Variants in STPG2 observed in about 807,000 individuals in gnomAD.
The protein encoded by STPG2 is sperm tail PG-rich repeat containing 2.
A neutral mutation model predicts 54.2 loss-of-function variants in STPG2; 56 were observed. The observed-to-expected ratio is 1.03, with a 90% confidence interval of 0.83 to 1.29. The LOEUF is 1.29. Among genes scored for constraint, STPG2 ranks in the 50% most tolerant of loss-of-function variants. The pLI is 0.00. For synonymous variants in STPG2, 200 were observed against 181.8 expected (o/e 1.10, Z -0.81); for missense variants, 596 against 544.9 (o/e 1.09, Z -0.93).
In STPG2 at chr4:97,822,200, AT is replaced by A. The variant is rs1240089470; in HGVS notation, c.1204+18572del. On this transcript the variant is annotated intron_variant, in intron 9 of 10. Coordinates refer to ENST00000295268, the MANE Select transcript of STPG2 (RefSeq NM_174952.3). The stretch of plus-strand genomic sequence containing the variant: ...TTCTTAAATGCTTTGCTGCTTAGAA[AT>A]TTTTTCTGCTAGATACCCTAAAATA... 2.6e-5 allele frequency among the ~76,000 whole-genome samples: 4 copies of A among 152,246 alleles called. No individual in the cohort carries two copies. The East Asian group carries it at 7.7e-4, about 29-fold the overall frequency.
chr4:98,045,276 G>A (rs897911513), intron 5 of STPG2, among the ~76,000 whole-genome samples: 1 of 152,032 alleles, frequency 6.6e-6, no homozygotes, highest in African/African-American at 2.4e-5. Flanking sequence ...TCCACTGCAC[G>A]CTGGTTTTAG....
rs966403083 is a variant in STPG2 at position 98,056,646 on chromosome 4, C to A, written c.612+49307G>T. Reference sequence around the variant, plus strand: ...AAAAGGAAAAAAAAAACACACACATCCAAAGGTCAGCAACTGATATAGTTT... The same window carrying A: ...AAAAGGAAAAAAAAAACACACACATACAAAGGTCAGCAACTGATATAGTTT... On this transcript the variant is annotated intron_variant, in intron 5 of 10. Transcript: ENST00000295268. Among the ~76,000 whole-genome samples the A allele has an allele frequency of 4.6e-5, 7 of 151,930 alleles. No individual in the cohort carries two copies. The South Asian group carries it at 1.0e-3, about 23-fold the overall frequency.
intron 9 of STPG2, among the ~76,000 whole-genome samples, chr4:97,725,184 A>C (rs1724579905): frequency 1.3e-5 from 2 of 152,046 alleles, no homozygotes; most frequent in South Asian, 4.1e-4. Context: ...TCCACTAATA[A>C]ATTCATCTTA....
At chr4:98,064,027 A>G (rs1380736471) in intron 5 of STPG2, among the ~76,000 whole-genome samples, 1 of 152,196 alleles carries the variant, frequency 6.6e-6, no homozygotes, top group Non-Finnish European at 1.5e-5. Context: ...AATAAAAGAT[A>G]TGGAAGTTTT....
rs142943623 is a variant in STPG2, at chr4:97,758,985, A to G, written c.1205-46171T>C. Among the ~76,000 whole-genome samples the G allele has an allele frequency of 6.7e-4, 102 of 152,260 alleles. 1 individual carries two copies. The East Asian group carries it at 0.017, about 25-fold the overall frequency. On this transcript the variant is annotated intron_variant, in intron 9 of 10. Coordinates refer to ENST00000295268, the MANE Select transcript of STPG2 (RefSeq NM_174952.3). ...CCCTGCAAAAGACAGAAAAAAAATG[A>G]ACGTATAATATTTATATTAAATTCT...
At chr4:97,960,631 A>G (rs1334241791) in intron 7 of STPG2, among the ~76,000 whole-genome samples, 2 of 152,110 alleles carry the variant, frequency 1.3e-5, no homozygotes, top group Non-Finnish European at 2.9e-5. Flanking sequence ...TTAGGAATAT[A>G]CCTAACCAAG....
intron 5 of STPG2, among the ~76,000 whole-genome samples, chr4:98,062,750 A>T (rs1289641985): frequency 1.3e-5 from 2 of 152,144 alleles, no homozygotes; most frequent in Admixed American, 6.5e-5. Flanking sequence ...CTATATAATT[A>T]AAAGTAATGG....
chr4:98,025,558 A>C lies in STPG2; in HGVS notation c.613-44240T>G, dbSNP rs1736387846. Reference sequence around the variant, plus strand: ...GGATGATAGTTCGTGTAACAAACAGAGATATCATTTGTCAGATTGCTTATG... The same window carrying C: ...GGATGATAGTTCGTGTAACAAACAGCGATATCATTTGTCAGATTGCTTATG... On this transcript the variant is annotated intron_variant, in intron 5 of 10. Transcript: ENST00000295268. 3.5e-5 allele frequency: 25 copies of C among 724,248 alleles called. No individual in the cohort carries two copies. In the Admixed American group the frequency reaches 4.4e-4, roughly 13 times the overall value. 44.9% of individuals were successfully genotyped at this position (724,248 alleles called of 1,614,324 possible). A position where few individuals can be genotyped will look rare whatever the true frequency, so the allele number is the denominator to read the frequency against.
intron 3 of STPG2, among the ~76,000 whole-genome samples, chr4:98,116,566 G>A (rs1038675673): frequency 6.6e-6 from 1 of 151,796 alleles, no homozygotes; most frequent in Admixed American, 6.6e-5. Context: ...CAAATCATAA[G>A]ACCATTTCAC....
chr4:97,738,761 T>G (rs1241090249), intron 9 of STPG2, among the ~76,000 whole-genome samples: 3 of 152,022 alleles, frequency 2.0e-5, no homozygotes, highest in African/African-American at 7.2e-5. Flanking sequence ...ACAATAATAA[T>G]GGGAGACTTT....
intron 8 of STPG2, among the ~76,000 whole-genome samples, chr4:97,878,177 C>A (rs1188489418): frequency 1.3e-5 from 2 of 152,190 alleles, no homozygotes; most frequent in African/African-American, 4.8e-5. Context: ...AGCCTCCCTC[C>A]CAGGTGCTTT....
intron 10 of STPG2, among the ~76,000 whole-genome samples, chr4:97,673,673 AT>A (rs34393242): frequency 0.41 from 61,238 of 149,836 alleles, 12,688 homozygotes; most frequent in South Asian, 0.62. Context: ...ACGGCTTTAT[AT>A]TTTTTTTTTT....
chr4:97,720,884 A>G (rs1030229004), intron 9 of STPG2, among the ~76,000 whole-genome samples: 4 of 151,946 alleles, frequency 2.6e-5, no homozygotes, highest in Non-Finnish European at 5.9e-5. Flanking sequence ...GTTAAATGCT[A>G]TTTTTCTAGA....
intron 1 of STPG2, among the ~76,000 whole-genome samples, chr4:98,134,824 T>A (rs1740095968): frequency 6.6e-6 from 1 of 151,838 alleles, no homozygotes; most frequent in Non-Finnish European, 1.5e-5. Context: ...AAATAGCATA[T>A]ATTATTTGCA....
chr4:97,819,927 C>A (rs866988451), intron 9 of STPG2, among the ~76,000 whole-genome samples: 7 of 151,902 alleles, frequency 4.6e-5, no homozygotes, highest in African/African-American at 1.4e-4. Context: ...TTGTGTCTTG[C>A]TTTATTGTGC....
intron 10 of STPG2, among the ~76,000 whole-genome samples, chr4:97,687,578 G>T (rs1355880921): frequency 6.6e-6 from 1 of 152,026 alleles, no homozygotes; most frequent in East Asian, 1.9e-4. Context: ...GACCCCAGGT[G>T]ATCCATCAGC....
intron 10 of STPG2, among the ~76,000 whole-genome samples, chr4:97,665,036 T>A (rs1722481862): frequency 6.6e-6 from 1 of 152,092 alleles, no homozygotes; most frequent in African/African-American, 2.4e-5. Context: ...AGGTGTACTG[T>A]AAGCAGCTTC....
At chr4:98,026,658 A>G (rs924784390) in intron 5 of STPG2, among the ~76,000 whole-genome samples, 6 of 152,194 alleles carry the variant, frequency 3.9e-5, no homozygotes, top group Non-Finnish European at 7.3e-5. Context: ...ACATACAGAT[A>G]AACTCCGGTC....
intron 9 of STPG2, among the ~76,000 whole-genome samples, chr4:97,792,452 C>G (rs916352393): frequency 6.6e-6 from 1 of 152,118 alleles, no homozygotes; most frequent in African/African-American, 2.4e-5. Flanking sequence ...ACACTTCTCA[C>G]CACCCTCACT....
Sources: gnomAD v4.1 joint callset for allele counts (sites outside exome capture counted in the v4.1 genomes callset) on GRCh38, gnomAD v4.1.1 for gene constraint, MANE v1.5 for transcripts, NCBI Gene and HGNC (gene_info 2026-07-23, HGNC 2026-07-21) for gene names.